SHANK2: variants seen among roughly 807,000 people sequenced by gnomAD.
SHANK2 encodes SH3 and multiple ankyrin repeat domains 2, also known as SH3 and multiple ankyrin repeat domains protein 2.
Under a neutral mutation model 133.7 loss-of-function variants are expected in SHANK2, and 43 were observed. That is an observed-to-expected ratio of 0.32 (90% CI 0.25 to 0.41). The LOEUF is 0.41. SHANK2 is among the 10% of genes least tolerant of loss of function. SHANK2 has a pLI of 1.00. For missense variants in SHANK2, 1,994 were observed against 2,235.8 expected (o/e 0.89, Z 2.18); for synonymous variants, 1,017 against 952.8 (o/e 1.07, Z -1.24).
chr11:70,889,572 T>C (rs1266395858), intron 11 of SHANK2, among the ~76,000 whole-genome samples: 7 of 152,296 alleles, frequency 4.6e-5, no homozygotes. Context: ...ACGTCCGGCA[T>C]GAGAACCACC....
rs79834025 is a variant in SHANK2 at position 70,572,710 on chromosome 11, C to T, written c.2062-69779G>A. ...AATGTGAGCTAAAGTCACAATGAGA[C>T]GCCACCTCACACTGTTCCAAATGAA... is the stretch of plus-strand genomic sequence containing the variant. On this transcript the variant is annotated intron_variant, in intron 17 of 25. Transcript: ENST00000601538. 4.1e-3 allele frequency among the ~76,000 whole-genome samples: 625 copies of T among 152,260 alleles called. 4 individuals carry two copies. The highest frequency in any genetic ancestry group is 0.014 in the African/African-American group (586 of 41,542).
chr11:70,747,622 C>T (rs1946667338), intron 14 of SHANK2, among the ~76,000 whole-genome samples: 1 of 152,212 alleles, frequency 6.6e-6, no homozygotes, highest in Non-Finnish European at 1.5e-5. Context: ...GCTGACCTGG[C>T]CCTCCCTCCA....
intron 17 of SHANK2, among the ~76,000 whole-genome samples, chr11:70,645,936 G>A (rs2061254087): frequency 6.6e-6 from 1 of 152,178 alleles, no homozygotes; most frequent in African/African-American, 2.4e-5. Flanking sequence ...GTCATCCTAT[G>A]TTCACCAAAC....
At chr11:71,164,997 G>T (rs181555284) in intron 2 of SHANK2, among the ~76,000 whole-genome samples, 1 of 152,070 alleles carries the variant, frequency 6.6e-6, no homozygotes. Context: ...TGGGAACCCA[G>T]CTGTCCTTTG....
chr11:71,236,856 C>T (rs568140346), intron 1 of SHANK2, among the ~76,000 whole-genome samples: 2 of 152,320 alleles, frequency 1.3e-5, no homozygotes, highest in South Asian at 4.1e-4. Context: ...CAGTGAGACT[C>T]CATCTCAAAA....
At chr11:70,768,968 G>C (rs1555042031) in intron 14 of SHANK2, among the ~76,000 whole-genome samples, 1 of 152,174 alleles carries the variant, frequency 6.6e-6, no homozygotes, top group African/African-American at 2.4e-5. Context: ...GTCTGCACAG[G>C]TGGCCGAAGC....
intron 21 of SHANK2, chr11:70,495,818 G>C (rs1163721157): frequency 1.5e-5 from 3 of 197,112 alleles, no homozygotes; most frequent in African/African-American, 2.4e-5. Flanking sequence ...CAGGTGGCGA[G>C]CTCTGGGGGC....
chr11:70,808,492 G>A (rs782349305), intron 12 of SHANK2, among the ~76,000 whole-genome samples: 1 of 139,528 alleles, frequency 7.2e-6, no homozygotes, highest in African/African-American at 2.7e-5. Flanking sequence ...GTGAGACACC[G>A]CACCTGGCCT....
intron 17 of SHANK2, among the ~76,000 whole-genome samples, chr11:70,658,116 C>A (rs2061426215): frequency 6.6e-6 from 1 of 151,372 alleles, no homozygotes; most frequent in Non-Finnish European, 1.5e-5. Context: ...CCTATTTCAA[C>A]ACCCCCCCCA....
At chr11:71,187,067 G>C (rs1414659002) in intron 2 of SHANK2, among the ~76,000 whole-genome samples, 1 of 152,256 alleles carries the variant, frequency 6.6e-6, no homozygotes, top group African/African-American at 2.4e-5. Flanking sequence ...GAAGGCTTGT[G>C]GGATTTGCTC....
chr11:70,802,935 A>G (rs1948077901), intron 13 of SHANK2, among the ~76,000 whole-genome samples: 1 of 152,182 alleles, frequency 6.6e-6, no homozygotes, highest in Non-Finnish European at 1.5e-5. Flanking sequence ...TGTTAAATAA[A>G]TGAACCCCTA....
chr11:71,171,261 G>A (rs2135509066), intron 2 of SHANK2, among the ~76,000 whole-genome samples: 1 of 152,350 alleles, frequency 6.6e-6, no homozygotes, highest in Middle Eastern at 3.4e-3. Flanking sequence ...GAAAAGACCT[G>A]CGACGGGCTG....
intron 2 of SHANK2, 62 bp from the exon 3 acceptor site, chr11:71,147,400 G>A: frequency 7.1e-7 from 1 of 1,399,274 alleles, no homozygotes; most frequent in South Asian, 1.4e-5. Context: ...AAAACCCAGG[G>A]GCACGGTGGA....
intron 14 of SHANK2, among the ~76,000 whole-genome samples, chr11:70,709,281 T>C (rs1003365614): frequency 1.3e-5 from 2 of 152,182 alleles, no homozygotes; most frequent in Admixed American, 1.3e-4. Context: ...GTTCAAAAGG[T>C]GACTGCAGAG....
At chr11:70,818,797 C>T (rs553916077) in intron 12 of SHANK2, among the ~76,000 whole-genome samples, 10 of 152,104 alleles carry the variant, frequency 6.6e-5, no homozygotes, top group East Asian at 1.9e-4. Context: ...GTCTAGGGGC[C>T]GGGAGAAGTG....
chr11:71,118,920 G>T lies in SHANK2; in HGVS notation c.320C>A (p.Ala107Asp), dbSNP rs201921126. The change falls in exon 4 of 26, where the codon GCC (alanine) becomes GAC (aspartate). Residue 107 changes from alanine (A) to aspartate (D), a missense_variant. By Grantham distance (126) the Ala-to-Asp change is moderately radical. Coordinates refer to ENST00000601538, the MANE Select transcript of SHANK2 (RefSeq NM_012309.5). Reference sequence around the variant, plus strand: ...GAACTTGCCGTCACGCCCATTGCTGGCCGGCTGGAACAGGCCGTAGTTCAG... The same window carrying T: ...GAACTTGCCGTCACGCCCATTGCTGTCCGGCTGGAACAGGCCGTAGTTCAG... ...DVLNYGLFQP[A>D]SNGRDGKFLD... is the part of the protein sequence containing the mutation. The T allele has an allele frequency of 4.5e-6, 7 of 1,551,770 alleles. No homozygotes were observed. Among genetic ancestry groups the T allele is most frequent in the Non-Finnish European group, 6.1e-6 (7 of 1,147,010 alleles).
chr11:71,081,082 G>T (rs1951293776), intron 8 of SHANK2, among the ~76,000 whole-genome samples: 1 of 152,154 alleles, frequency 6.6e-6, no homozygotes, highest in South Asian at 2.1e-4. Context: ...GCCATTAGGG[G>T]GCCCCTAATC....
At chr11:70,651,024 C>T (rs150353151) in intron 17 of SHANK2, among the ~76,000 whole-genome samples, 3 of 152,322 alleles carry the variant, frequency 2.0e-5, no homozygotes, top group Non-Finnish European at 4.4e-5. Context: ...ATTTACAGTT[C>T]AAGAAACTGA....
chr11:70,879,967 C>T (rs944024222), intron 11 of SHANK2, among the ~76,000 whole-genome samples: 2 of 152,180 alleles, frequency 1.3e-5, no homozygotes, highest in Admixed American at 1.3e-4. Context: ...GATGTTTCTC[C>T]GAGTTTCAGG....
Sources: allele counts gnomAD v4.1 joint callset (sites outside exome capture counted in the v4.1 genomes callset), GRCh38; gene constraint gnomAD v4.1.1; transcripts MANE v1.5; gene names NCBI Gene and HGNC (gene_info 2026-07-23, HGNC 2026-07-21).